The following PLSCR2 variants were observed in gnomAD, a reference collection of about 807,000 sequenced individuals.
The protein encoded by PLSCR2 is PL scramblase 2.
Under a neutral mutation model 25.3 loss-of-function variants are expected in PLSCR2, and 18 were observed. The ratio of observed to expected loss-of-function variants is 0.71; its 90% CI spans 0.49 to 1.06. The LOEUF is 1.06. PLSCR2 is among the 50% of genes least tolerant of loss of function. The pLI is 0.00. For missense variants in PLSCR2, 243 were observed against 269.5 expected, an observed-to-expected ratio of 0.90 and a Z score of 0.69; for synonymous variants, 88 against 87.3, an observed-to-expected ratio of 1.01 and a Z score of -0.04.
chr3:146,456,152 G>A (rs1300543193), intron 3 of PLSCR2, among the ~76,000 whole-genome samples: 1 of 152,170 alleles, frequency 6.6e-6, no homozygotes, highest in Non-Finnish European at 1.5e-5. Flanking sequence ...AGTGAGCTCT[G>A]CACCTTAGAT....
chr3:146,403,093 C>T (rs2038533430), intron 2 of PLSCR2, among the ~76,000 whole-genome samples: 1 of 152,028 alleles, frequency 6.6e-6, no homozygotes, highest in Admixed American at 6.6e-5. Flanking sequence ...ATTTCATATG[C>T]ATCCTTTCAG....
intron 3 of PLSCR2, among the ~76,000 whole-genome samples, chr3:146,393,007 T>C (rs1490810957): frequency 6.7e-6 from 1 of 149,920 alleles, no homozygotes; most frequent in African/African-American, 2.4e-5. Flanking sequence ...TTTAAAAAAA[T>C]AATTGGGTTA....
At chr3:146,464,096 C>T, upstream of PLSCR2, 1 of 278,970 alleles carries the variant, frequency 3.6e-6, no homozygotes, top group Non-Finnish European at 5.4e-6. Context: ...GAAATCAATG[C>T]TGTGGACCTC....
intron 2 of PLSCR2, among the ~76,000 whole-genome samples, chr3:146,422,253 G>C (rs1044186149): frequency 2.0e-5 from 3 of 152,062 alleles, no homozygotes; most frequent in African/African-American, 7.2e-5. Flanking sequence ...TGCAGGAATT[G>C]CTTGATAATT....
chr3:146,413,102 C>T (rs1365103620), intron 2 of PLSCR2, among the ~76,000 whole-genome samples: 1 of 152,118 alleles, frequency 6.6e-6, no homozygotes, highest in Non-Finnish European at 1.5e-5. Context: ...TTTAACAGAA[C>T]CAAGACAGCC....
At chr3:146,411,666 A>G (rs2038856728) in intron 2 of PLSCR2, among the ~76,000 whole-genome samples, 1 of 152,222 alleles carries the variant, frequency 6.6e-6, no homozygotes. Flanking sequence ...GAGACCATTT[A>G]GCCGGCGGCC....
downstream of PLSCR2, among the ~76,000 whole-genome samples, chr3:146,429,314 T>A (rs1047997938): frequency 6.6e-6 from 1 of 152,214 alleles, no homozygotes; most frequent in African/African-American, 2.4e-5. Flanking sequence ...TTTAGGGACT[T>A]GCTCAGTGGC....
At chr3:146,468,198 A>G (rs967988268) in intron 1 of PLSCR2, among the ~76,000 whole-genome samples, 2 of 152,248 alleles carry the variant, frequency 1.3e-5, no homozygotes, top group African/African-American at 4.8e-5. Context: ...ATCCAACTGC[A>G]GCAATCCACT....
intron 2 of PLSCR2, among the ~76,000 whole-genome samples, chr3:146,399,204 A>G (rs1455128180): frequency 6.6e-6 from 1 of 151,892 alleles, no homozygotes; most frequent in African/African-American, 2.4e-5. Flanking sequence ...CTTATTACTC[A>G]ATATGCCAAG....
intron 2 of PLSCR2, among the ~76,000 whole-genome samples, chr3:146,399,610 T>A (rs1339717689): frequency 6.6e-6 from 1 of 151,802 alleles, no homozygotes; most frequent in Non-Finnish European, 1.5e-5. Flanking sequence ...AGAAATTGTT[T>A]CTCCTGAATA....
chr3:146,438,758 C>G (rs1401240813), downstream of PLSCR2, among the ~76,000 whole-genome samples: 2 of 152,152 alleles, frequency 1.3e-5, no homozygotes, highest in Non-Finnish European at 1.5e-5. Context: ...TTAATTGGAG[C>G]ATTTAGCCCA....
intron 5 of PLSCR2, among the ~76,000 whole-genome samples, chr3:146,452,764 A>G (rs1416628465): frequency 6.6e-6 from 1 of 152,084 alleles, no homozygotes; most frequent in Non-Finnish European, 1.5e-5. Context: ...TTTTATTAAT[A>G]TCATTCCTAG....
rs1417101048 is a variant in PLSCR2, at chr3:146,454,171, A to C, written c.322-8T>G. ...AGGAGCTTGGATTTCTATCTACAAA[A>C]GTAAAATATGTGTGAACGTAATAAA... On this transcript the variant is annotated splice_polypyrimidine_tract_variant and splice_region_variant and intron_variant, in intron 4 of 6. Coordinates refer to ENST00000610787, the Ensembl canonical transcript of PLSCR2. 3 of 1,563,398 alleles carry C rather than the reference A, an allele frequency of 1.9e-6. No homozygotes were observed. Among genetic ancestry groups the C allele is most frequent in the Non-Finnish European group, 1.7e-6 (2 of 1,154,776 alleles).
At chr3:146,462,570 A>T (rs964178640), upstream of PLSCR2, among the ~76,000 whole-genome samples, 2 of 150,824 alleles carry the variant, frequency 1.3e-5, no homozygotes, top group Admixed American at 1.3e-4. Flanking sequence ...CGTTCAAGCG[A>T]TTCTCGTGCC....
At chr3:146,464,675 T>C (rs1046912902), upstream of PLSCR2, among the ~76,000 whole-genome samples, 3 of 152,204 alleles carry the variant, frequency 2.0e-5, no homozygotes, top group African/African-American at 7.2e-5. Flanking sequence ...ATCTGATTAC[T>C]ACACACTTCT....
chr3:146,432,054 ACTCATTTTCC>A (rs1335350703), downstream of PLSCR2, among the ~76,000 whole-genome samples: 6 of 152,230 alleles, frequency 3.9e-5, no homozygotes, highest in East Asian at 7.7e-4. Context: ...CTAAAATGTT[ACTCATTTTCC>A]CTCTGAAATT....
intron 1 of PLSCR2, among the ~76,000 whole-genome samples, chr3:146,486,382 C>CTGT (rs34135074): frequency 0.04 from 5,764 of 144,870 alleles, 377 homozygotes; most frequent in African/African-American, 0.13. Context: ...AATCCAGGAG[C>CTGT]TTTTTTTTTT....
At chr3:146,493,915 G>A (rs554710927) in intron 1 of PLSCR2, among the ~76,000 whole-genome samples, 1 of 150,116 alleles carries the variant, frequency 6.7e-6, no homozygotes, top group East Asian at 2.0e-4. Flanking sequence ...TATGTTTATG[G>A]TTTTGGGGAA....
chr3:146,469,521 C>T (rs2042024053), intron 1 of PLSCR2: 1 of 985,298 alleles, frequency 1.0e-6, no homozygotes, highest in Non-Finnish European at 1.2e-6. Context: ...TCCCGCACAG[C>T]CCTGAGCGAG....
Sources: allele counts gnomAD v4.1 joint callset (sites outside exome capture counted in the v4.1 genomes callset), GRCh38; gene constraint gnomAD v4.1.1; transcripts MANE v1.5; gene names NCBI Gene and HGNC (gene_info 2026-07-23, HGNC 2026-07-21).